EYS: variants seen among roughly 807,000 people sequenced by gnomAD.
The protein encoded by EYS is EGF-like photoreceptor maintenance factor, also known as protein eyes shut homolog.
A neutral mutation model predicts 282.1 loss-of-function variants in EYS; 250 were observed. That is an observed-to-expected ratio of 0.89 (90% confidence interval 0.80 to 0.98). The LOEUF (loss-of-function observed/expected upper bound fraction) is 0.98. EYS is among the 50% of genes least tolerant of loss of function. The probability of loss-of-function intolerance (pLI) is 0.00; values close to 1 mark genes in which losing one functional copy is unlikely to be tolerated. For missense variants in EYS, 4,016 were observed against 3,709.0 expected, an observed-to-expected ratio of 1.08 and a Z score of -2.15; for synonymous variants, 1,355 against 1,282.9, an observed-to-expected ratio of 1.06 and a Z score of -1.20.
At chr6:63,832,256 CA>C (rs886567926) in intron 36 of EYS, among the ~76,000 whole-genome samples, 2 of 151,964 alleles carry the variant, frequency 1.3e-5, no homozygotes, top group African/African-American at 4.8e-5. Context: ...AAAAACCCTT[CA>C]AAAAATCAAT....
chr6:65,501,996 C>T (rs1031026242), intron 2 of EYS, among the ~76,000 whole-genome samples: 2 of 151,388 alleles, frequency 1.3e-5, no homozygotes, highest in Non-Finnish European at 3.0e-5. Flanking sequence ...TTCCTTTCTC[C>T]ACATATGGTC....
chr6:65,508,356 G>A (rs1288974085), intron 2 of EYS, among the ~76,000 whole-genome samples: 1 of 152,008 alleles, frequency 6.6e-6, no homozygotes, highest in Non-Finnish European at 1.5e-5. Flanking sequence ...TCTTGGGTCT[G>A]TGTCTCTAGC....
At chr6:64,280,261 G>A (rs775731720) in intron 30 of EYS, among the ~76,000 whole-genome samples, 1 of 151,844 alleles carries the variant, frequency 6.6e-6, no homozygotes, top group Admixed American at 6.6e-5. Context: ...TTTAGTTATC[G>A]ATCATCCTGT....
chr6:65,088,221 C>T lies in EYS; in HGVS notation c.2024-30494G>A, dbSNP rs1281945823. 2.0e-5 allele frequency among the ~76,000 whole-genome samples: 3 copies of T among 152,030 alleles called. 1 individual carries two copies. The highest frequency in any genetic ancestry group is 4.4e-5 in the Non-Finnish European group (3 of 67,996). The stretch of plus-strand genomic sequence containing the variant: ...AATCGGTACCACAGAGAGTGGGGTA[C>T]TGCTATAAAGATACCCAGAAATGTG... On this transcript the variant is annotated intron_variant, in intron 12 of 42. Transcript: ENST00000503581.
intron 22 of EYS, among the ~76,000 whole-genome samples, chr6:64,645,664 G>A (rs1384766579): frequency 6.6e-6 from 1 of 151,678 alleles, no homozygotes; most frequent in Non-Finnish European, 1.5e-5. Context: ...CAAAATCGTA[G>A]GTCTTTTTAA....
At chr6:64,058,270 T>TAC (rs531174623) in intron 33 of EYS, among the ~76,000 whole-genome samples, 115 of 142,206 alleles carry the variant, frequency 8.1e-4, no homozygotes, top group African/African-American at 2.8e-3. Context: ...TTAAACCTCT[T>TAC]AAAAAAAAAA....
chr6:64,362,522 C>T lies in EYS; in HGVS notation c.6078+26168G>A, dbSNP rs181781893. On this transcript the variant is annotated intron_variant, in intron 29 of 42. Coordinates refer to ENST00000503581, the MANE Select transcript of EYS (RefSeq NM_001142800.2). Reference sequence around the variant, plus strand: ...GAAAACAATCTATCCACAAATGTCACAAAAATTTCATAGTAAATATGCAGA... The same window carrying T: ...GAAAACAATCTATCCACAAATGTCATAAAAATTTCATAGTAAATATGCAGA... Among the ~76,000 whole-genome samples the T allele has an allele frequency of 2.5e-3, 374 of 151,814 alleles. 1 individual carries two copies. The highest frequency in any genetic ancestry group is 8.2e-3 in the African/African-American group (339 of 41,504).
At chr6:64,074,246 T>C (rs544384334) in intron 32 of EYS, among the ~76,000 whole-genome samples, 1 of 151,636 alleles carries the variant, frequency 6.6e-6, no homozygotes, top group Admixed American at 6.6e-5. Context: ...TCTCAAAACA[T>C]AGATTCCAGT....
At chr6:64,499,190 C>G (rs1177654720) in intron 26 of EYS, among the ~76,000 whole-genome samples, 1 of 152,018 alleles carries the variant, frequency 6.6e-6, no homozygotes, top group Non-Finnish European at 1.5e-5. Context: ...TATGAACCAT[C>G]AAAATAAGCA....
chr6:64,190,160 G>A (rs1333694781), intron 31 of EYS, among the ~76,000 whole-genome samples: 1 of 152,176 alleles, frequency 6.6e-6, no homozygotes. Flanking sequence ...GGTGTGCTGA[G>A]TGAGCACGCT....
At chr6:64,529,406 A>C (rs1020087643) in intron 26 of EYS, among the ~76,000 whole-genome samples, 6 of 152,192 alleles carry the variant, frequency 3.9e-5, no homozygotes, top group Non-Finnish European at 8.8e-5. Flanking sequence ...AGTGGTCATT[A>C]TCCCATTTGT....
intron 12 of EYS, among the ~76,000 whole-genome samples, chr6:65,089,982 TACACACAC>T (rs113762450): frequency 7.8e-5 from 11 of 141,268 alleles, no homozygotes; most frequent in South Asian, 4.4e-4. Flanking sequence ...TATAAATAAA[TACACACAC>T]ACACACACAC....
rs529777921 is a variant in EYS at position 64,293,148 on chromosome 6, G to T, written c.6191+13822C>A. 2.3e-4 allele frequency among the ~76,000 whole-genome samples: 35 copies of T among 152,074 alleles called. No homozygotes were observed. In the South Asian group the frequency reaches 3.7e-3, roughly 16 times the overall value. On this transcript the variant is annotated intron_variant, in intron 30 of 42. Transcript: ENST00000503581. ...GACAGAATTTGCACATGGAATAAAG[G>T]CTCGATTCATTTTGGGAAATTATGA...
At chr6:64,322,386 G>A (rs1280876088) in intron 29 of EYS, among the ~76,000 whole-genome samples, 1 of 152,012 alleles carries the variant, frequency 6.6e-6, no homozygotes, top group Admixed American at 6.6e-5. Flanking sequence ...ATAGATTTCT[G>A]TTTCTGATAA....
chr6:65,610,477 AT>A lies in EYS; in HGVS notation c.-333+29300del, dbSNP rs1209929450. 4.6e-5 allele frequency among the ~76,000 whole-genome samples: 7 copies of A among 152,190 alleles called. No individual in the cohort carries two copies. The East Asian group carries it at 9.7e-4, about 21-fold the overall frequency. The stretch of plus-strand genomic sequence containing the variant: ...TTTATGTTTATATTTTCCTATTATG[AT>A]ACTTTTAGGTTTCTGGAGCTGCAGA... On this transcript the variant is annotated intron_variant, in intron 2 of 42. Coordinates refer to ENST00000503581, the MANE Select transcript of EYS (RefSeq NM_001142800.2).
At chr6:65,453,083 C>T (rs1764466678) in intron 5 of EYS, among the ~76,000 whole-genome samples, 1 of 151,954 alleles carries the variant, frequency 6.6e-6, no homozygotes, top group Admixed American at 6.6e-5. Flanking sequence ...AATAAATGGT[C>T]TAATATACCC....
At chr6:64,099,349 T>G (rs1772745420) in intron 31 of EYS, among the ~76,000 whole-genome samples, 1 of 152,210 alleles carries the variant, frequency 6.6e-6, no homozygotes, top group South Asian at 2.1e-4. Context: ...ACCAAATAAA[T>G]AATGTTTTCT....
At chr6:65,697,809 T>G (rs1030087240) in intron 1 of EYS, among the ~76,000 whole-genome samples, 2 of 152,134 alleles carry the variant, frequency 1.3e-5, no homozygotes, top group African/African-American at 4.8e-5. Context: ...AGTCAGAGCC[T>G]GTCAGTATGC....
intron 2 of EYS, among the ~76,000 whole-genome samples, chr6:65,520,674 A>G (rs922806343): frequency 2.0e-5 from 3 of 151,942 alleles, no homozygotes; most frequent in Admixed American, 6.6e-5. Context: ...ATACATATAT[A>G]CATATATGTA....
Sources: allele counts gnomAD v4.1 joint callset (sites outside exome capture counted in the v4.1 genomes callset), GRCh38; gene constraint gnomAD v4.1.1; transcripts MANE v1.5; gene names NCBI Gene and HGNC (gene_info 2026-07-23, HGNC 2026-07-21).